The following GLT1D1 variants were observed in gnomAD, a reference collection of about 807,000 sequenced individuals.
GLT1D1 encodes glycosyltransferase 1 domain containing 1.
GLT1D1 carries 21 observed loss-of-function variants against 28.7 expected under a neutral mutation model. The observed-to-expected ratio is 0.73, with a 90% CI of 0.52 to 1.05. The LOEUF (loss-of-function observed/expected upper bound fraction) is 1.05, where lower values mean the gene tolerates loss of function less well. Ranked by LOEUF, GLT1D1 falls within the 50% of genes least tolerant of loss-of-function variation. GLT1D1 has a pLI of 0.00. For synonymous variants in GLT1D1, 147 were observed against 124.8 expected, an observed-to-expected ratio of 1.18 and a Z score of -1.19; for missense variants, 343 against 330.6, an observed-to-expected ratio of 1.04 and a Z score of -0.29.
chr12:128,890,399 G>C (rs1285370140), intron 3 of GLT1D1, among the ~76,000 whole-genome samples: 1 of 152,104 alleles, frequency 6.6e-6, no homozygotes, highest in Non-Finnish European at 1.5e-5. Flanking sequence ...TATCATATTT[G>C]TATAGCAATT....
chr12:128,944,530 C>T (rs470404), intron 4 of GLT1D1: 613,594 of 870,262 alleles, frequency 0.71, 219,927 homozygotes, highest in Admixed American at 0.81. Flanking sequence ...AGGGTTGAAT[C>T]CAATGTTGTA....
chr12:128,903,295 G>C (rs1417801894), intron 4 of GLT1D1, among the ~76,000 whole-genome samples: 2 of 151,684 alleles, frequency 1.3e-5, no homozygotes, highest in Non-Finnish European at 2.9e-5. Flanking sequence ...CTGTCTCCAT[G>C]GGGTCTGTCA....
At chr12:128,970,168 G>T (rs965616793) in intron 7 of GLT1D1, among the ~76,000 whole-genome samples, 4 of 152,172 alleles carry the variant, frequency 2.6e-5, no homozygotes, top group African/African-American at 9.7e-5. Flanking sequence ...GCCGGGCCAG[G>T]GTCTGTGGAG....
intron 4 of GLT1D1, among the ~76,000 whole-genome samples, chr12:128,906,449 G>A (rs1870878145): frequency 6.6e-6 from 1 of 152,178 alleles, no homozygotes; most frequent in South Asian, 2.1e-4. Context: ...AGAAGCAATG[G>A]TTATGGTTTA....
intron 1 of GLT1D1, among the ~76,000 whole-genome samples, chr12:128,863,809 G>C (rs1237750561): frequency 6.6e-6 from 1 of 151,994 alleles, no homozygotes; most frequent in Admixed American, 6.6e-5. Context: ...AGCCACACGT[G>C]GTGGCGGGCA....
intron 7 of GLT1D1, among the ~76,000 whole-genome samples, chr12:128,961,922 T>C (rs1877991822): frequency 6.6e-6 from 1 of 151,996 alleles, no homozygotes; most frequent in South Asian, 2.1e-4. Context: ...ACCATAACAC[T>C]CACTCTGTGA....
At chr12:128,981,905 G>A (rs549993023) in intron 7 of GLT1D1, among the ~76,000 whole-genome samples, 233 of 152,336 alleles carry the variant, frequency 1.5e-3, no homozygotes, top group Non-Finnish European at 2.8e-3. Flanking sequence ...GAAGGGTAGG[G>A]TGTGGATTTA....
At chr12:128,877,710 G>A (rs1324315011) in intron 2 of GLT1D1, among the ~76,000 whole-genome samples, 1 of 152,190 alleles carries the variant, frequency 6.6e-6, no homozygotes, top group Non-Finnish European at 1.5e-5. Context: ...AGAAATATAT[G>A]TACTGTATTG....
chr12:128,855,309 C>T (rs540304384), intron 1 of GLT1D1, among the ~76,000 whole-genome samples: 30 of 151,156 alleles, frequency 2.0e-4, no homozygotes, highest in African/African-American at 7.3e-4. Flanking sequence ...AGCCTGTAAT[C>T]CCAGCACTTT....
Position 128,853,525 on chromosome 12 carries a change from C to G in GLT1D1, c.-57C>G, listed in dbSNP as rs1956119112. The G allele has an allele frequency of 9.8e-7, 1 of 1,022,628 alleles. No homozygotes were observed. Among genetic ancestry groups the G allele is most frequent in the Admixed American group, 5.8e-5 (1 of 17,166 alleles). 63.3% of individuals were successfully genotyped at this position (1,022,628 alleles called of 1,614,324 possible). A position where few individuals can be genotyped will look rare whatever the true frequency, so the allele number is the denominator to read the frequency against. On this transcript the variant is annotated 5_prime_UTR_variant, in exon 1 of 8. Transcript: ENST00000281703. ...CCCCGCCGTCCGCGTCTGCGCCGGC[C>G]CCGGGGCCTGGTCGGCGGCGGCGGG... is the stretch of plus-strand genomic sequence containing the variant.
chr12:128,899,182 T>C, intron 3 of GLT1D1, 54 bp from the exon 4 acceptor site: 1 of 1,348,054 alleles, frequency 7.4e-7, no homozygotes, highest in Non-Finnish European at 1.1e-6. Context: ...GTTTCATAGT[T>C]CTTTTAATTG....
At chr12:128,885,792 C>A (rs1957161192) in intron 2 of GLT1D1, among the ~76,000 whole-genome samples, 2 of 151,734 alleles carry the variant, frequency 1.3e-5, no homozygotes. Flanking sequence ...TAGTGTGTAT[C>A]TTTTAGGTGT....
At chr12:128,856,218 G>A (rs1040424513) in intron 1 of GLT1D1, among the ~76,000 whole-genome samples, 2 of 152,150 alleles carry the variant, frequency 1.3e-5, no homozygotes, top group Admixed American at 6.5e-5. Flanking sequence ...GCCAGAGGTC[G>A]CTCTCGTTGC....
chr12:128,960,749 C>T (rs940283488), intron 7 of GLT1D1, among the ~76,000 whole-genome samples: 4 of 150,574 alleles, frequency 2.7e-5, no homozygotes, highest in Non-Finnish European at 5.9e-5. Flanking sequence ...GCCTGGGTGA[C>T]AGAGCTGGGT....
chr12:128,915,060 C>T (rs1009668323), intron 4 of GLT1D1, 71 bp downstream of exon 6: 8 of 1,245,454 alleles, frequency 6.4e-6, no homozygotes, highest in African/African-American at 3.0e-5. Context: ...GAGCTTGTGA[C>T]GTTCATGCGG....
intron 1 of GLT1D1, among the ~76,000 whole-genome samples, chr12:128,855,855 G>A (rs1956206908): frequency 6.8e-6 from 1 of 147,426 alleles, no homozygotes; most frequent in Non-Finnish European, 1.5e-5. Context: ...CGGTTCCAGC[G>A]ATTCTCCTGC....
In GLT1D1 at chr12:128,984,294, T is replaced by G. The variant is rs1476987331; in HGVS notation, c.*1204T>G. 1 of 152,136 alleles carries G rather than the reference T, an allele frequency of 6.6e-6. No homozygotes were observed. Among genetic ancestry groups the G allele is most frequent in the Non-Finnish European group, 1.5e-5 (1 of 68,016 alleles). 9.4% of individuals were successfully genotyped at this position (152,136 alleles called of 1,614,324 possible). A position where few individuals can be genotyped will look rare whatever the true frequency, so the allele number is the denominator to read the frequency against. ...ACCAGCATTGTCCTTGCTTCAAGTT[T>G]TAGGATGTCTGAACTTTCAGCTTTC... On this transcript the variant is annotated 3_prime_UTR_variant, in exon 8 of 8. Coordinates refer to ENST00000281703, the MANE Select transcript of GLT1D1 (RefSeq NM_144669.3).
rs1566091332 is a variant in GLT1D1 at position 128,874,117 on chromosome 12, TC to T, written c.69-1796del. 2.2e-3 allele frequency among the ~76,000 whole-genome samples: 148 copies of T among 67,980 alleles called. 1 individual carries two copies. Among genetic ancestry groups the T allele is most frequent in the African/African-American group, 9.6e-3 (137 of 14,298 alleles). 44.6% of individuals were successfully genotyped at this position (67,980 alleles called of 152,430 possible). On this transcript the variant is annotated intron_variant, in intron 1 of 7. Coordinates refer to ENST00000281703, the MANE Select transcript of GLT1D1 (RefSeq NM_144669.3). ...CTTTCTTTCTCTCTCTCTCTCTCTC[TC>T]TCTCTCTCTTTCTTTCTTTCTTTCT...
At chr12:128,944,864 G>A in intron 4 of GLT1D1, 1 of 340,606 alleles carries the variant, frequency 2.9e-6, no homozygotes, top group Non-Finnish European at 5.3e-6. Flanking sequence ...TTGTTACATA[G>A]GTATACATGT....
Sources: gnomAD v4.1 joint callset for allele counts (sites outside exome capture counted in the v4.1 genomes callset) on GRCh38, gnomAD v4.1.1 for gene constraint, MANE v1.5 for transcripts, NCBI Gene and HGNC (gene_info 2026-07-23, HGNC 2026-07-21) for gene names.